ZNF493: variants seen among roughly 807,000 people sequenced by gnomAD.
The protein encoded by ZNF493 is zinc finger protein 493.
Under a neutral mutation model 12.2 loss-of-function variants are expected in ZNF493, and 11 were observed. That is an observed-to-expected ratio of 0.90 (90% confidence interval 0.57 to 1.50). The LOEUF (loss-of-function observed/expected upper bound fraction) is 1.50, where lower values mean the gene tolerates loss of function less well. Ranked by LOEUF, ZNF493 falls within the 40% of genes most tolerant of loss-of-function variation. The pLI, the probability that ZNF493 is intolerant of heterozygous loss-of-function variation, is 0.00. For synonymous variants in ZNF493, 286 were observed against 302.6 expected, an observed-to-expected ratio of 0.95 and a Z score of 0.57; for missense variants, 950 against 906.6, an observed-to-expected ratio of 1.05 and a Z score of -0.61.
chr19:21,398,646 A>T, intron 1 of ZNF493: 1 of 411,630 alleles, frequency 2.4e-6, no homozygotes. Context: ...CTCTCAAGGG[A>T]GCAAGTGGAT....
rs754281440 is a variant in ZNF493 at position 21,424,852 on chromosome 19, T to G, written c.2193T>G (p.His731Gln). Residue 731 changes from histidine to glutamine, a missense_variant, in exon 4 of 4, where the codon CAT becomes CAG. By Grantham distance (24) the His-to-Gln change is conservative (BLOSUM62 0). Coordinates refer to ENST00000392288, the MANE Select transcript of ZNF493 (RefSeq NM_001076678.3). ...AFNHSSNLIK[H>Q]KLIHTGDKPY... ...ACCATTCCTCAAACCTTATTAAACATAAGCTAATTCATACTGGAGACAAAC... is the reference window on the plus strand; with the variant it reads ...ACCATTCCTCAAACCTTATTAAACAGAAGCTAATTCATACTGGAGACAAAC... 1.9e-6 allele frequency: 3 copies of G among 1,613,082 alleles called. No homozygotes were observed. The highest frequency in any genetic ancestry group is 1.7e-6 in the Non-Finnish European group (2 of 1,179,566).
intron 3 of ZNF493, chr19:21,413,114 A>G: frequency 3.4e-6 from 1 of 296,544 alleles, no homozygotes; most frequent in Non-Finnish European, 6.4e-6. Flanking sequence ...TTCCATGGGA[A>G]TCATTGTGCA....
At chr19:21,408,577 A>G (rs1193990119) in intron 3 of ZNF493, 4 of 985,126 alleles carry the variant, frequency 4.1e-6, no homozygotes, top group Middle Eastern at 5.2e-4. Context: ...TAGTTAGACA[A>G]ATTCTTTTTT....
intron 3 of ZNF493, among the ~76,000 whole-genome samples, chr19:21,410,060 G>A (rs4588120): frequency 0.14 from 6,023 of 43,380 alleles, 218 homozygotes; most frequent in East Asian, 0.28. Context: ...TTCATTGTGT[G>A]TATATATATA....
rs745799210 is a variant in ZNF493, at chr19:21,405,102, G to T, written c.31-27G>T. 4 of 1,608,882 alleles carry T rather than the reference G, an allele frequency of 2.5e-6. No individual in the cohort carries two copies. The South Asian group carries it at 3.3e-5, about 13-fold the overall frequency. On this transcript the variant is annotated intron_variant, in intron 1 of 3. Transcript: ENST00000392288. ...CCCACGTGTAAATGTGTGTGTGTGT[G>T]TGTGTGTTTGTGTGTGTTTGTTTCA... is the stretch of plus-strand genomic sequence containing the variant.
In ZNF493 at chr19:21,402,419, C is replaced by A. The variant is rs969037334; in HGVS notation, c.31-2710C>A. Among the ~76,000 whole-genome samples, 3 of 152,156 alleles carry A rather than the reference C, an allele frequency of 2.0e-5. No homozygotes were observed. The South Asian group carries it at 6.2e-4, about 31-fold the overall frequency. On this transcript the variant is annotated intron_variant, in intron 1 of 3. Transcript: ENST00000392288. ...CCCTGACGAACTCTCTAATTATATT[C>A]ATGTTTCCTCAGTTTTTTCCTTTTA...
chr19:21,423,809 A>G lies in ZNF493; in HGVS notation c.1150A>G (p.Lys384Glu). ...ACCCTACAAATGTGAAGAATGTGGC[A>G]AAGCCTTTAGTATTTTCTCAACCCT... The part of the protein sequence containing the change: ...EKPYKCEECG[K>E]AFSIFSTLTK... The change falls in exon 4 of 4, where the codon AAA (lysine) becomes GAA (glutamate). Residue 384 changes from lysine (K) to glutamate (E), a missense_variant. Lys to Glu is a moderately conservative substitution (Grantham distance 56, BLOSUM62 1). Coordinates refer to ENST00000392288, the MANE Select transcript of ZNF493 (RefSeq NM_001076678.3). 2 of 1,613,346 alleles carry G rather than the reference A, an allele frequency of 1.2e-6. No homozygotes were observed. Among genetic ancestry groups the G allele is most frequent in the Non-Finnish European group, 1.7e-6 (2 of 1,179,496 alleles).
rs756683105 is a variant in ZNF493 at position 21,423,302 on chromosome 19, T to A, written c.643T>A (p.Cys215Ser). The change falls in exon 4 of 4, where the codon TGT becomes AGT. Residue 215 changes from cysteine to serine, a missense_variant. Cys to Ser is a moderately radical substitution (Grantham distance 112). Coordinates refer to ENST00000392288, the MANE Select transcript of ZNF493 (RefSeq NM_001076678.3). ...AGAGAATTCTTACCGATGTGAAGAA[T>A]GTGGCAAAGCCTTTATCTGGTTTTC... The part of the protein sequence containing the change: ...IRENSYRCEE[C>S]GKAFIWFSTL... The A allele has an allele frequency of 3.7e-6, 6 of 1,613,768 alleles. No homozygotes were observed. Among genetic ancestry groups the A allele is most frequent in the Admixed American group, 3.3e-5 (2 of 59,988 alleles).
chr19:21,424,770 A>C lies in ZNF493; in HGVS notation c.2111A>C (p.Lys704Thr), dbSNP rs1356711776. The C allele has an allele frequency of 1.2e-6, 2 of 1,613,336 alleles. No homozygotes were observed. The highest frequency in any genetic ancestry group is 1.7e-6 in the Non-Finnish European group (2 of 1,179,608). Residue 704 changes from lysine to threonine, a missense_variant, in exon 4 of 4, where the codon AAG becomes ACG. Lys to Thr is a moderately conservative substitution (Grantham distance 78, BLOSUM62 -1). Coordinates refer to ENST00000392288, the MANE Select transcript of ZNF493 (RefSeq NM_001076678.3). Reference protein sequence around the residue: ...FYRFSNLNTHKIIHTGEKPCK... With the variant: ...FYRFSNLNTHTIIHTGEKPCK... The stretch of plus-strand genomic sequence containing the variant: ...CGATTCTCAAACCTTAATACGCATA[A>C]GATAATTCATACTGGAGAGAAACCT...
rs575005310 is a variant in ZNF493, at chr19:21,426,634, G to A, written c.*1650G>A. On this transcript the variant is annotated 3_prime_UTR_variant, in exon 4 of 4. Transcript: ENST00000392288. ...TGTTCAACATCAGGGAATTTATATT[G>A]GAGAGCTGTCTTGCAAATGTAATAA... 2 of 166,852 alleles carry A rather than the reference G, an allele frequency of 1.2e-5. No individual in the cohort carries two copies. The highest frequency in any genetic ancestry group is 4.2e-4 in the South Asian group (2 of 4,818). The allele number at this position is 166,852 out of a possible 1,614,324, so 10.3% of individuals were successfully genotyped here. A position where few individuals can be genotyped will look rare whatever the true frequency, so the allele number is the denominator to read the frequency against.
At position 21,424,996 on chromosome 19, in the gene ZNF493, A is replaced by C. The variant is rs1238454239; in HGVS notation, c.*12A>C. On this transcript the variant is annotated 3_prime_UTR_variant, in exon 4 of 4. Coordinates refer to ENST00000392288, the MANE Select transcript of ZNF493 (RefSeq NM_001076678.3). ...CTGTACAAAAGTGAAGAATGTGGCA[A>C]AGGCCTTTACTGCTCCTATTCCCTT... 1 of 1,579,524 alleles carries C rather than the reference A, an allele frequency of 6.3e-7. No individual in the cohort carries two copies. Among genetic ancestry groups the C allele is most frequent in the African/African-American group, 1.4e-5 (1 of 73,374 alleles).
In ZNF493 at chr19:21,422,906, C is replaced by T. The variant is rs762856847; in HGVS notation, c.254-7C>T. 6.5e-7 allele frequency: 1 copy of T among 1,526,790 alleles called. No homozygotes were observed. The allele number at this position is 1,526,790 out of a possible 1,614,324, so 94.6% of individuals were successfully genotyped here. On this transcript the variant is annotated splice_region_variant and splice_polypyrimidine_tract_variant and intron_variant, in intron 3 of 3. Transcript: ENST00000392288. The stretch of plus-strand genomic sequence containing the variant: ...GTGGAGTAATTTGATATTTTTATTT[C>T]TTTCAGTTATATGTTCTCATTTTGC...
At chr19:21,415,113 T>G (rs2030441261) in intron 3 of ZNF493, among the ~76,000 whole-genome samples, 1 of 152,252 alleles carries the variant, frequency 6.6e-6, no homozygotes, top group South Asian at 2.1e-4. Context: ...AATTAGTATG[T>G]GGAAGAAAAA....
chr19:21,406,646 A>G (rs1378570840), intron 3 of ZNF493, among the ~76,000 whole-genome samples: 3 of 151,966 alleles, frequency 2.0e-5, no homozygotes, highest in Non-Finnish European at 2.9e-5. Context: ...ATTGGTTTTT[A>G]TGTTAATTTT....
At position 21,423,535 on chromosome 19, in the gene ZNF493, C is replaced by T. The variant is rs760097883; in HGVS notation, c.876C>T (p.Pro292=). 13 of 1,613,644 alleles carry T rather than the reference C, an allele frequency of 8.1e-6. No individual in the cohort carries two copies. In the East Asian group the frequency reaches 2.7e-4, roughly 33 times the overall value. Residue 292 remains proline (P), a synonymous_variant, in exon 4 of 4, where the codon CCC becomes CCT. Coordinates refer to ENST00000392288, the MANE Select transcript of ZNF493 (RefSeq NM_001076678.3). ...AGCTAATTCATACTAGAGAGAAACC[C>T]TATAAATGTGAACAATATGGCAAAA... ...RHKLIHTREK[P]YKCEQYGKTF...
At chr19:21,403,659 T>C (rs938238902) in intron 1 of ZNF493, among the ~76,000 whole-genome samples, 3 of 108,822 alleles carry the variant, frequency 2.8e-5, no homozygotes, top group Non-Finnish European at 6.1e-5. Flanking sequence ...AAAAATGGCT[T>C]TTTTTTTCAG....
intron 1 of ZNF493, 49 bp downstream of exon 1, chr19:21,397,316 G>A: frequency 6.2e-7 from 1 of 1,611,890 alleles, no homozygotes; most frequent in South Asian, 1.1e-5. Flanking sequence ...GAGTTGCTCG[G>A]AACCGGTGGG....
chr19:21,409,605 C>T (rs149491530), intron 3 of ZNF493, among the ~76,000 whole-genome samples: 9 of 151,850 alleles, frequency 5.9e-5, no homozygotes, highest in Non-Finnish European at 1.3e-4. Context: ...AATAGCCAGG[C>T]GTGGTGGTAT....
intron 3 of ZNF493, among the ~76,000 whole-genome samples, chr19:21,419,417 C>T (rs563090610): frequency 6.6e-6 from 1 of 152,240 alleles, no homozygotes; most frequent in East Asian, 1.9e-4. Flanking sequence ...CTCACATGAT[C>T]ACAAGGTCCC....
Sources: gnomAD v4.1 joint callset for allele counts (sites outside exome capture counted in the v4.1 genomes callset) on GRCh38, gnomAD v4.1.1 for gene constraint, MANE v1.5 for transcripts, NCBI Gene and HGNC (gene_info 2026-07-23, HGNC 2026-07-21) for gene names.